Variants in TRIM54 observed in about 807,000 individuals in gnomAD.
The protein encoded by TRIM54 is tripartite motif-containing protein 54.
A neutral mutation model predicts 42.0 loss-of-function variants in TRIM54; 40 were observed. The observed-to-expected ratio is 0.95, with a 90% CI of 0.74 to 1.24. The LOEUF (loss-of-function observed/expected upper bound fraction) is 1.24, where lower values mean the gene tolerates loss of function less well. TRIM54 is among the 50% of genes most tolerant of loss of function. The pLI, the probability that TRIM54 is intolerant of heterozygous loss-of-function variation, is 0.00. For synonymous variants in TRIM54, 199 were observed against 194.9 expected, an observed-to-expected ratio of 1.02 and a Z score of -0.17; for missense variants, 485 against 480.3, an observed-to-expected ratio of 1.01 and a Z score of -0.09.
rs1679210270 is a variant in TRIM54 at position 27,306,375 on chromosome 2, G to A, written c.991+38G>A. The A allele has an allele frequency of 6.2e-7, 1 of 1,613,874 alleles. No individual in the cohort carries two copies. The highest frequency in any genetic ancestry group is 1.1e-5 in the South Asian group (1 of 91,076). Reference sequence around the variant, plus strand: ...GCCGAGGGCCGCTGAGACGGGTTCGGACCCTCTGTGTGGGGGGTGCGGCGG... The same window carrying A: ...GCCGAGGGCCGCTGAGACGGGTTCGAACCCTCTGTGTGGGGGGTGCGGCGG... On this transcript the variant is annotated intron_variant, in intron 7 of 8. Transcript: ENST00000380075. This position sits in a 1 kb window ranked among gnomAD's most constrained non-coding sequence, Gnocchi z 6.1.
At chr2:27,283,003 C>A in intron 1 of TRIM54, 104 bp downstream of exon 1, 1 of 1,301,310 alleles carries the variant, frequency 7.7e-7, no homozygotes, top group Non-Finnish European at 1.0e-6. Flanking sequence ...AGAGTGCTCT[C>A]TGAGGTGGGT....
chr2:27,307,001 C>G lies in TRIM54; in HGVS notation c.*116C>G, dbSNP rs1022100114. 1.3e-5 allele frequency: 3 copies of G among 234,222 alleles called. No individual in the cohort carries two copies. The Admixed American group carries it at 1.5e-4, about 12-fold the overall frequency. The allele number at this position is 234,222 out of a possible 1,614,324, so 14.5% of individuals were successfully genotyped here. On this transcript the variant is annotated 3_prime_UTR_variant, in exon 9 of 9. Coordinates refer to ENST00000380075, the MANE Select transcript of TRIM54 (RefSeq NM_187841.3). This position sits in a 1 kb window ranked among gnomAD's most constrained non-coding sequence, Gnocchi z 6.9. ...GCCCCGGGAGGATCTCAATAAAGAA[C>G]TCGAGCGTCCCAGACCCGTATCTCC...
At chr2:27,304,296 C>T (rs1250584346) in intron 3 of TRIM54, among the ~76,000 whole-genome samples, 1 of 142,764 alleles carries the variant, frequency 7.0e-6, no homozygotes, top group African/African-American at 2.6e-5. Context: ...AGATATAAAA[C>T]ATTCAACAGA....
In TRIM54 at chr2:27,306,649, G is replaced by A; in HGVS notation, c.*1+107G>A. ...TCCCCCAGTGATTGCCCTCCCTGCG[G>A]GTAGCGTGGAGCCCCCACTCCTCGG... On this transcript the variant is annotated intron_variant, in intron 8 of 8. Transcript: ENST00000380075. The surrounding 1 kb of genome is among the most constrained non-coding windows in gnomAD (Gnocchi z 6.1). 8.3e-7 allele frequency: 1 copy of A among 1,205,162 alleles called. No homozygotes were observed. Among genetic ancestry groups the A allele is most frequent in the Admixed American group, 2.8e-5 (1 of 35,244 alleles). 74.7% of individuals were successfully genotyped at this position (1,205,162 alleles called of 1,614,324 possible).
rs553507138 is a variant in TRIM54 at position 27,291,765 on chromosome 2, A to G, written c.169-6802A>G. Among the ~76,000 whole-genome samples, 5 of 152,334 alleles carry G rather than the reference A, an allele frequency of 3.3e-5. No homozygotes were observed. The South Asian group carries it at 1.0e-3, about 32-fold the overall frequency. Reference sequence around the variant, plus strand: ...GGGCTAGCATTGCTGAAGCAATCACAGAAGGGAAGGGCTGCCCTGGAGATT... The same window carrying G: ...GGGCTAGCATTGCTGAAGCAATCACGGAAGGGAAGGGCTGCCCTGGAGATT... On this transcript the variant is annotated intron_variant, in intron 1 of 8. Coordinates refer to ENST00000380075, the MANE Select transcript of TRIM54 (RefSeq NM_187841.3).
Position 27,307,400 on chromosome 2 carries a change from G to A in TRIM54, c.*515G>A. ...CCCTGCCTCTACGACAAAAGCCAAC[G>A]GGTCTTCAGTACTTTTATTAAAAAA... is the stretch of plus-strand genomic sequence containing the variant. On this transcript the variant is annotated 3_prime_UTR_variant, in exon 9 of 9. Transcript: ENST00000380075. This position sits in a 1 kb window ranked among gnomAD's most constrained non-coding sequence, Gnocchi z 6.9. The A allele has an allele frequency of 6.9e-7, 1 of 1,450,628 alleles. No homozygotes were observed. Among genetic ancestry groups the A allele is most frequent in the South Asian group, 1.4e-5 (1 of 73,528 alleles). 89.9% of individuals were successfully genotyped at this position (1,450,628 alleles called of 1,614,324 possible).
intron 1 of TRIM54, among the ~76,000 whole-genome samples, chr2:27,288,388 T>C (rs1678634602): frequency 6.6e-6 from 1 of 152,246 alleles, no homozygotes; most frequent in Admixed American, 6.5e-5. Context: ...AGCATCTTTC[T>C]AGATGGAACA....
chr2:27,299,516 CTTTA>C, intron 3 of TRIM54, 100 bp downstream of exon 3: 2 of 1,540,176 alleles, frequency 1.3e-6, no homozygotes, highest in Non-Finnish European at 8.7e-7. Context: ...TTACTTATTT[CTTTA>C]TTTATTTAGA....
chr2:27,305,740 C>T lies in TRIM54; in HGVS notation c.766C>T (p.His256Tyr). ...CGGCCTCATCCGTCAGTATGGCGAC[C>T]ACCTGGAGGCCTCCTCTAAGCTGGT... ...VRGLIRQYGD[H>Y]LEASSKLVES... The change falls in exon 5 of 9, where the codon CAC (histidine) becomes TAC (tyrosine). Residue 256 changes from histidine (H) to tyrosine (Y), a missense_variant. Coordinates refer to ENST00000380075, the MANE Select transcript of TRIM54 (RefSeq NM_187841.3). 6.2e-7 allele frequency: 1 copy of T among 1,612,006 alleles called. No homozygotes were observed. Among genetic ancestry groups the T allele is most frequent in the South Asian group, 1.1e-5 (1 of 90,646 alleles).
rs1403009088 is a variant in TRIM54 at position 27,307,134 on chromosome 2, T to C, written c.*249T>C. 7.0e-6 allele frequency: 2 copies of C among 287,448 alleles called. No homozygotes were observed. Among genetic ancestry groups the C allele is most frequent in the South Asian group, 7.8e-5 (2 of 25,618 alleles). 17.8% of individuals were successfully genotyped at this position (287,448 alleles called of 1,614,324 possible). On this transcript the variant is annotated 3_prime_UTR_variant, in exon 9 of 9. Coordinates refer to ENST00000380075, the MANE Select transcript of TRIM54 (RefSeq NM_187841.3). The surrounding 1 kb of genome is among the most constrained non-coding windows in gnomAD (Gnocchi z 6.9). ...GGGGCGGAAGCCAAATGAACCCCTA[T>C]TGGGCACCTCTGTGATGCCAGGAGC...
rs748352414 is a variant in TRIM54, at chr2:27,282,719, G to A, written c.-13G>A. ...CAGGAGCAGGGCCCAGGCCAGGCAC[G>A]ACCACCGAGGGGATGAACTTCACAG... On this transcript the variant is annotated 5_prime_UTR_variant, in exon 1 of 9. Transcript: ENST00000380075. The A allele has an allele frequency of 1.6e-5, 25 of 1,605,494 alleles. No homozygotes were observed. The highest frequency in any genetic ancestry group is 2.0e-5 in the Non-Finnish European group (24 of 1,176,314).
chr2:27,300,603 G>T (rs749226837), intron 3 of TRIM54, among the ~76,000 whole-genome samples: 16 of 151,080 alleles, frequency 1.1e-4, no homozygotes, highest in Middle Eastern at 3.4e-3. Context: ...ATATTTATTA[G>T]TAGTAGTAGT....
In TRIM54 at chr2:27,306,849, G is replaced by T; in HGVS notation, c.*2-38G>T. On this transcript the variant is annotated intron_variant, in intron 8 of 8. Coordinates refer to ENST00000380075, the MANE Select transcript of TRIM54 (RefSeq NM_187841.3). The surrounding 1 kb of genome is among the most constrained non-coding windows in gnomAD (Gnocchi z 6.1). ...GGGGCTCGAGCTGCCTCGTGCCTTCGCAGCACCCGCCCACCGAGCCTTCTT... is the reference window on the plus strand; with the variant it reads ...GGGGCTCGAGCTGCCTCGTGCCTTCTCAGCACCCGCCCACCGAGCCTTCTT... 2.2e-6 allele frequency: 1 copy of T among 460,162 alleles called. No homozygotes were observed. Among genetic ancestry groups the T allele is most frequent in the Non-Finnish European group, 3.9e-6 (1 of 257,990 alleles). 28.5% of individuals were successfully genotyped at this position (460,162 alleles called of 1,614,324 possible). A position where few individuals can be genotyped will look rare whatever the true frequency, so the allele number is the denominator to read the frequency against.
chr2:27,290,403 C>T (rs927691756), intron 1 of TRIM54, among the ~76,000 whole-genome samples: 1 of 152,168 alleles, frequency 6.6e-6, no homozygotes, highest in African/African-American at 2.4e-5. Flanking sequence ...CCCAGTGGCT[C>T]ATGCCTGTAA....
At chr2:27,300,905 C>T (rs535971754) in intron 3 of TRIM54, among the ~76,000 whole-genome samples, 7 of 152,180 alleles carry the variant, frequency 4.6e-5, no homozygotes, top group Admixed American at 2.0e-4. Flanking sequence ...CAAGATCTCA[C>T]TGTGTTGCCC....
intron 1 of TRIM54, among the ~76,000 whole-genome samples, chr2:27,295,507 C>T (rs932541865): frequency 1.3e-5 from 2 of 152,152 alleles, no homozygotes; most frequent in African/African-American, 2.4e-5. Flanking sequence ...GGGATTTCAC[C>T]GTGTTGGCCA....
At chr2:27,294,571 T>A (rs879942176) in intron 1 of TRIM54, among the ~76,000 whole-genome samples, 2 of 152,096 alleles carry the variant, frequency 1.3e-5, no homozygotes, top group Non-Finnish European at 2.9e-5. Flanking sequence ...CACAATTTCC[T>A]CATCCTTGAA....
intron 1 of TRIM54, among the ~76,000 whole-genome samples, chr2:27,286,713 G>A (rs900644417): frequency 6.6e-6 from 1 of 152,228 alleles, no homozygotes; most frequent in Non-Finnish European, 1.5e-5. Context: ...TCTGGAGGAG[G>A]TCTGTCTACA....
At chr2:27,294,426 TAA>T (rs1456833622) in intron 1 of TRIM54, among the ~76,000 whole-genome samples, 1 of 151,982 alleles carries the variant, frequency 6.6e-6, no homozygotes, top group Non-Finnish European at 1.5e-5. Flanking sequence ...CAGCCTGGCC[TAA>T]GTTTTATTGT....
Sources: allele counts gnomAD v4.1 joint callset (sites outside exome capture counted in the v4.1 genomes callset), GRCh38; gene constraint gnomAD v4.1.1; non-coding constraint Gnocchi (gnomAD v3.1); transcripts MANE v1.5; gene names NCBI Gene and HGNC (gene_info 2026-07-23, HGNC 2026-07-21).